TBC1D1: variants seen among roughly 807,000 people sequenced by gnomAD.
TBC1D1 encodes TBC1 domain family member 1.
In TBC1D1, 89 loss-of-function variants were observed where a neutral mutation model predicts 125.6. The observed-to-expected ratio is 0.71, with a 90% CI of 0.60 to 0.85. The LOEUF (loss-of-function observed/expected upper bound fraction) is 0.85, where lower values mean the gene tolerates loss of function less well. Ranked by LOEUF, TBC1D1 falls within the 40% of genes least tolerant of loss-of-function variation. The pLI, the probability that TBC1D1 is intolerant of heterozygous loss-of-function variation, is 0.00. For missense variants in TBC1D1, 1,377 were observed against 1,469.2 expected (o/e 0.94, Z 1.03); for synonymous variants, 565 against 564.1 (o/e 1.00, Z -0.02).
At chr4:38,043,063 G>A (rs1379901469) in intron 8 of TBC1D1, among the ~76,000 whole-genome samples, 2 of 151,828 alleles carry the variant, frequency 1.3e-5, no homozygotes, top group African/African-American at 4.8e-5. Context: ...CACTACACCC[G>A]GCTGTTTTTT....
intron 14 of TBC1D1, among the ~76,000 whole-genome samples, chr4:38,096,418 G>A (rs1759354788): frequency 6.6e-6 from 1 of 152,226 alleles, no homozygotes; most frequent in Admixed American, 6.5e-5. Flanking sequence ...TTGTCTCTGG[G>A]TACTCTAGGG....
rs754962173 is a variant in TBC1D1 at position 38,089,965 on chromosome 4, C to A, written c.2084C>A (p.Ser695Tyr). The change falls in exon 13 of 20, where the codon TCT (serine) becomes TAT (tyrosine). Residue 695 changes from serine (S) to tyrosine (Y), a missense_variant. Physicochemically the swap from Ser to Tyr is moderately radical, Grantham distance 144. Coordinates refer to ENST00000261439, the MANE Select transcript of TBC1D1 (RefSeq NM_015173.4). ...GAGCTGGGAGAGCTTCCCCCACGAT[C>A]TCCTTTAGAACCAGTTTGTGAAGAT... 2.4e-5 allele frequency: 39 copies of A among 1,598,826 alleles called. No homozygotes were observed. The highest frequency in any genetic ancestry group is 3.2e-5 in the Non-Finnish European group (38 of 1,173,890).
intron 2 of TBC1D1, among the ~76,000 whole-genome samples, chr4:37,949,542 G>T (rs529089849): frequency 2.0e-5 from 3 of 152,300 alleles, no homozygotes; most frequent in South Asian, 4.2e-4. Flanking sequence ...CAGTCTCTCT[G>T]CTTCTCAGCC....
chr4:37,920,335 AG>A (rs1265981220), intron 2 of TBC1D1, among the ~76,000 whole-genome samples: 1 of 152,158 alleles, frequency 6.6e-6, no homozygotes, highest in Non-Finnish European at 1.5e-5. Flanking sequence ...CCACTAGGTG[AG>A]CTCTCTTCCA....
At chr4:37,910,441 T>G (rs140026689) in intron 2 of TBC1D1, among the ~76,000 whole-genome samples, 135 of 152,346 alleles carry the variant, frequency 8.9e-4, no homozygotes, top group African/African-American at 3.1e-3. Context: ...TTTATAATGA[T>G]TACATGTTGA....
chr4:38,038,956 A>C (rs1318227478), intron 8 of TBC1D1, among the ~76,000 whole-genome samples: 3 of 151,376 alleles, frequency 2.0e-5, no homozygotes, highest in South Asian at 2.1e-4. Flanking sequence ...GGGAAAAAAA[A>C]AAAAATTTCA....
chr4:38,127,908 G>T (rs563964227), intron 18 of TBC1D1, among the ~76,000 whole-genome samples: 23 of 152,206 alleles, frequency 1.5e-4, no homozygotes, highest in Middle Eastern at 3.4e-3. Context: ...TATATTTTAG[G>T]CTTCACGGGT....
At chr4:38,035,019 T>C (rs1047610529) in intron 7 of TBC1D1, among the ~76,000 whole-genome samples, 1 of 152,188 alleles carries the variant, frequency 6.6e-6, no homozygotes, top group Non-Finnish European at 1.5e-5. Flanking sequence ...TCTGGTCCAG[T>C]GTGCTGTGCC....
At chr4:37,916,498 G>A (rs1388460417) in intron 2 of TBC1D1, among the ~76,000 whole-genome samples, 1 of 152,114 alleles carries the variant, frequency 6.6e-6, no homozygotes, top group Non-Finnish European at 1.5e-5. Context: ...CTGCTGTTTG[G>A]GCAAGAACAT....
intron 8 of TBC1D1, among the ~76,000 whole-genome samples, chr4:38,039,104 CTTTTTTTTTTTTTTTTTT>C (rs776941680): frequency 2.3e-4 from 12 of 51,584 alleles, no homozygotes; most frequent in African/African-American, 4.9e-4. Context: ...GCATCATACT[CTTTTTTTTTTTTTTTTTT>C]TTTTTTTTTT....
At chr4:38,095,356 A>G (rs1759146172) in intron 13 of TBC1D1, among the ~76,000 whole-genome samples, 1 of 152,204 alleles carries the variant, frequency 6.6e-6, no homozygotes, top group Non-Finnish European at 1.5e-5. Context: ...TTCTTCATGC[A>G]GCTTTAGGTT....
chr4:38,032,592 T>TG (rs1254240632), intron 7 of TBC1D1, among the ~76,000 whole-genome samples: 1 of 152,102 alleles, frequency 6.6e-6, no homozygotes, highest in Admixed American at 6.5e-5. Context: ...CCCAGCACTT[T>TG]GGGAGGCAGA....
At chr4:38,131,043 G>A (rs964226124) in intron 18 of TBC1D1, among the ~76,000 whole-genome samples, 6 of 152,160 alleles carry the variant, frequency 3.9e-5, no homozygotes, top group African/African-American at 1.4e-4. Context: ...CCATGGTTTG[G>A]GGTAAATTCA....
At chr4:37,999,333 T>G (rs187062940) in intron 2 of TBC1D1, among the ~76,000 whole-genome samples, 1 of 152,200 alleles carries the variant, frequency 6.6e-6, no homozygotes, top group East Asian at 1.9e-4. Context: ...AGGTAAAGTT[T>G]ACCTACAACA....
In TBC1D1 at chr4:38,014,358, C is replaced by T. The variant is rs1474886527; in HGVS notation, c.418-151C>T. The T allele has an allele frequency of 6.0e-6, 4 of 664,672 alleles. No individual in the cohort carries two copies. Among genetic ancestry groups the T allele is most frequent in the African/African-American group, 1.8e-5 (1 of 55,402 alleles). 41.2% of individuals were successfully genotyped at this position (664,672 alleles called of 1,614,324 possible). A position where few individuals can be genotyped will look rare whatever the true frequency, so the allele number is the denominator to read the frequency against. On this transcript the variant is annotated intron_variant, in intron 2 of 19. Coordinates refer to ENST00000261439, the MANE Select transcript of TBC1D1 (RefSeq NM_015173.4). The surrounding 1 kb of genome is among the most constrained non-coding windows in gnomAD (Gnocchi z 5.1). Reference sequence around the variant, plus strand: ...CTCCCATGGGAAGACATTCCTAGTCCCCTCCCGTGGGCTCCTCCTCCAGTG... The same window carrying T: ...CTCCCATGGGAAGACATTCCTAGTCTCCTCCCGTGGGCTCCTCCTCCAGTG...
chr4:38,033,264 A>T (rs1047266746), intron 7 of TBC1D1, among the ~76,000 whole-genome samples: 4 of 152,214 alleles, frequency 2.6e-5, no homozygotes, highest in Admixed American at 1.3e-4. Flanking sequence ...TCTTGTGGAG[A>T]TAGCCAGAAG....
chr4:38,120,076 T>G, intron 17 of TBC1D1: 2 of 985,466 alleles, frequency 2.0e-6, no homozygotes, highest in Non-Finnish European at 2.4e-6. Context: ...CTCACTCTAA[T>G]GACTTCATAA....
Position 38,041,869 on chromosome 4 carries a change from G to T in TBC1D1, c.1414-2493G>T, listed in dbSNP as rs1055245824. 3.3e-5 allele frequency among the ~76,000 whole-genome samples: 5 copies of T among 152,128 alleles called. No individual in the cohort carries two copies. In the South Asian group the frequency reaches 1.0e-3, roughly 32 times the overall value. Reference sequence around the variant, plus strand: ...TTAAGCTTCAAAGATGTCTGCAGTGGTTCCCATTAAAAGTAGAAAGTAGGC... The same window carrying T: ...TTAAGCTTCAAAGATGTCTGCAGTGTTTCCCATTAAAAGTAGAAAGTAGGC... On this transcript the variant is annotated intron_variant, in intron 8 of 19. Transcript: ENST00000261439.
intron 14 of TBC1D1, among the ~76,000 whole-genome samples, chr4:38,099,436 C>G (rs1027711164): frequency 6.6e-6 from 1 of 152,190 alleles, no homozygotes; most frequent in Non-Finnish European, 1.5e-5. Flanking sequence ...TAGGGCCCAA[C>G]CTGGCATAGC....
Sources: gnomAD v4.1 joint callset for allele counts (sites outside exome capture counted in the v4.1 genomes callset) on GRCh38, gnomAD v4.1.1 for gene constraint, Gnocchi (gnomAD v3.1) non-coding constraint, MANE v1.5 for transcripts, NCBI Gene and HGNC (gene_info 2026-07-23, HGNC 2026-07-21) for gene names.